URI1: variants seen among roughly 807,000 people sequenced by gnomAD.
The protein encoded by URI1 is unconventional prefoldin RPB5 interactor 1.
URI1 carries 39 observed loss-of-function variants against 60.2 expected under a neutral mutation model. That is an observed-to-expected ratio of 0.65 (90% CI 0.50 to 0.85). URI1 has a LOEUF of 0.85. Among genes scored for constraint, URI1 ranks in the 40% least tolerant of loss-of-function variants. The pLI is 0.00. For synonymous variants in URI1, 251 were observed against 236.8 expected (o/e 1.06, Z -0.55); for missense variants, 691 against 665.9 (o/e 1.04, Z -0.42).
Position 29,934,894 on chromosome 19 carries a change from G to A in URI1, c.63+11140G>A, listed in dbSNP as rs1324533837. On this transcript the variant is annotated intron_variant, in intron 1 of 10. Transcript: ENST00000360605. ...TTATTTTCTTACTTTCCATCCTTTCGAATCTTTTGATCCAAAGTAAGTCTC... is the reference window on the plus strand; with the variant it reads ...TTATTTTCTTACTTTCCATCCTTTCAAATCTTTTGATCCAAAGTAAGTCTC... 2.6e-5 allele frequency among the ~76,000 whole-genome samples: 4 copies of A among 151,958 alleles called. No individual in the cohort carries two copies. In the East Asian group the frequency reaches 5.8e-4, roughly 22 times the overall value.
chr19:29,979,845 T>C (rs1410618441), intron 2 of URI1, among the ~76,000 whole-genome samples: 1 of 152,202 alleles, frequency 6.6e-6, no homozygotes, highest in East Asian at 1.9e-4. Flanking sequence ...CAGTTACTTA[T>C]ATCAATTGAA....
At chr19:29,983,420 A>G (rs1285829044) in intron 2 of URI1, 1 of 152,108 alleles carries the variant, frequency 6.6e-6, no homozygotes, top group African/African-American at 2.4e-5. Context: ...TTTTTTTATT[A>G]ATTATGCTAC....
At chr19:29,938,610 G>C (rs936283892), upstream of URI1, among the ~76,000 whole-genome samples, 7 of 152,098 alleles carry the variant, frequency 4.6e-5, no homozygotes, top group East Asian at 1.9e-4. Flanking sequence ...ATTCCCAGTG[G>C]GGGGCCTGGC....
At position 30,007,524 on chromosome 19, in the gene URI1, T is replaced by G; in HGVS notation, c.572T>G (p.Phe191Cys). The G allele has an allele frequency of 6.2e-7, 1 of 1,613,520 alleles. No homozygotes were observed. The highest frequency in any genetic ancestry group is 8.5e-7 in the Non-Finnish European group (1 of 1,179,614). The change falls in exon 7 of 11, where the codon TTT (phenylalanine) becomes TGT (cysteine). Residue 191 changes from phenylalanine to cysteine, a missense_variant. Physicochemically the swap from Phe to Cys is radical, Grantham distance 205. Coordinates refer to ENST00000392271, the MANE Select transcript of URI1 (RefSeq NM_003796.3). Reference sequence around the variant, plus strand: ...TCCAAACCAAAAACTTCAGATATTTTTGAAGCAGATATTGCAAATGATGTG... The same window carrying G: ...TCCAAACCAAAAACTTCAGATATTTGTGAAGCAGATATTGCAAATGATGTG... ...PHSKPKTSDIFEADIANDVKS... is the reference protein window; with the variant it reads ...PHSKPKTSDICEADIANDVKS...
intron 2 of URI1, among the ~76,000 whole-genome samples, chr19:29,981,052 T>G (rs1485909639): frequency 6.6e-6 from 1 of 152,112 alleles, no homozygotes; most frequent in Non-Finnish European, 1.5e-5. Context: ...TTTTTATTAT[T>G]TAAAGGTTGG....
intron 1 of URI1, among the ~76,000 whole-genome samples, chr19:29,959,898 G>A (rs919080085): frequency 2.0e-5 from 3 of 151,142 alleles, no homozygotes; most frequent in Non-Finnish European, 2.9e-5. Flanking sequence ...AATTTTTCTA[G>A]CCCTTAGAGA....
Position 29,978,699 on chromosome 19 carries a change from G to T in URI1, c.153-6524G>T, listed in dbSNP as rs142451873. Among the ~76,000 whole-genome samples, 532 of 152,256 alleles carry T rather than the reference G, an allele frequency of 3.5e-3. 5 individuals are homozygous for T. The highest frequency in any genetic ancestry group is 0.012 in the African/African-American group (517 of 41,556). ...AAGACAGATTGGGGTGGGTATCAGT[G>T]TAAGACCTGAGAGAAATGTAGGCTG... On this transcript the variant is annotated intron_variant, in intron 2 of 10. Coordinates refer to ENST00000392271, the MANE Select transcript of URI1 (RefSeq NM_003796.3).
At chr19:29,935,754 C>T (rs1165753139) in intron 1 of URI1, among the ~76,000 whole-genome samples, 5 of 134,024 alleles carry the variant, frequency 3.7e-5, no homozygotes, top group Middle Eastern at 3.9e-3. Flanking sequence ...GCCTCTGGGC[C>T]TCTGGTTCCT....
chr19:29,934,702 A>T (rs1568402793), intron 1 of URI1, among the ~76,000 whole-genome samples: 4 of 151,380 alleles, frequency 2.6e-5, no homozygotes, highest in East Asian at 1.9e-4. Context: ...AACCTGGCTT[A>T]TTTTTTTTTA....
At chr19:29,948,508 GT>G (rs2055129731) in intron 1 of URI1, among the ~76,000 whole-genome samples, 1 of 151,966 alleles carries the variant, frequency 6.6e-6, no homozygotes, top group South Asian at 2.1e-4. Context: ...GAGTATATTT[GT>G]TCTGTAAGTT....
At chr19:29,972,776 A>G (rs1422776502) in intron 2 of URI1, among the ~76,000 whole-genome samples, 3 of 152,132 alleles carry the variant, frequency 2.0e-5, no homozygotes, top group Non-Finnish European at 4.4e-5. Flanking sequence ...TCTAGTGAGC[A>G]GTGACAGAAA....
chr19:29,979,427 G>C (rs2055565354), intron 2 of URI1, among the ~76,000 whole-genome samples: 1 of 152,126 alleles, frequency 6.6e-6, no homozygotes, highest in East Asian at 1.9e-4. Flanking sequence ...CAAAAGATTA[G>C]TAATGAGTGA....
At chr19:29,941,371 G>A (rs533030623), upstream of URI1, among the ~76,000 whole-genome samples, 2 of 152,164 alleles carry the variant, frequency 1.3e-5, no homozygotes, top group South Asian at 4.2e-4. Context: ...AGCACTTCAG[G>A]GAATCCAAGA....
chr19:29,982,141 C>A (rs989409620), intron 2 of URI1, among the ~76,000 whole-genome samples: 1 of 152,152 alleles, frequency 6.6e-6, no homozygotes, highest in African/African-American at 2.4e-5. Flanking sequence ...CTCCTCCTGG[C>A]CTCCCTTCAT....
intron 2 of URI1, among the ~76,000 whole-genome samples, chr19:29,980,612 TAAAAAAAAAAA>T (rs71333427): frequency 1.4e-5 from 1 of 73,860 alleles, no homozygotes; most frequent in Non-Finnish European, 2.2e-5. Context: ...TTTTTTTTCT[TAAAAAAAAAAA>T]AAAAAAAAAA....
chr19:29,979,909 T>C (rs527973174), intron 2 of URI1, among the ~76,000 whole-genome samples: 2 of 152,340 alleles, frequency 1.3e-5, no homozygotes, highest in Non-Finnish European at 2.9e-5. Context: ...TGCTATTGAT[T>C]TAATTCAAGT....
At chr19:30,005,493 T>A in intron 5 of URI1, 41 bp downstream of exon 5, 1 of 1,517,800 alleles carries the variant, frequency 6.6e-7, no homozygotes, top group Non-Finnish European at 8.9e-7. Flanking sequence ...TTAGAAAATA[T>A]TTTCAAAGAA....
chr19:29,929,872 A>G (rs750106654), intron 1 of URI1, among the ~76,000 whole-genome samples: 8 of 152,052 alleles, frequency 5.3e-5, no homozygotes, highest in Non-Finnish European at 8.8e-5. Flanking sequence ...CCTTATATAT[A>G]AGATACAAGA....
intron 4 of URI1, among the ~76,000 whole-genome samples, chr19:29,996,139 C>A (rs2055809284): frequency 6.8e-6 from 1 of 147,992 alleles, no homozygotes; most frequent in East Asian, 2.0e-4. Context: ...TCTGTTTTTG[C>A]AAAAAAAAAA....
Sources: allele counts gnomAD v4.1 joint callset (sites outside exome capture counted in the v4.1 genomes callset), GRCh38; gene constraint gnomAD v4.1.1; transcripts MANE v1.5; gene names NCBI Gene and HGNC (gene_info 2026-07-23, HGNC 2026-07-21).